SLFN12L: variants seen among roughly 807,000 people sequenced by gnomAD.
SLFN12L encodes schlafen family member 12-like.
In SLFN12L, 34 loss-of-function variants were observed where a neutral mutation model predicts 34.8. That is an observed-to-expected ratio of 0.98 (90% CI 0.74 to 1.30). The LOEUF (loss-of-function observed/expected upper bound fraction) is 1.30. Among genes scored for constraint, SLFN12L ranks in the 50% most tolerant of loss-of-function variants. SLFN12L has a pLI of 0.00. For synonymous variants in SLFN12L, 259 were observed against 247.5 expected (o/e 1.05, Z -0.44); for missense variants, 703 against 696.2 (o/e 1.01, Z -0.11).
At chr17:35,494,676 A>C (rs1484295052) in intron 2 of SLFN12L, among the ~76,000 whole-genome samples, 3 of 152,098 alleles carry the variant, frequency 2.0e-5, no homozygotes, top group African/African-American at 7.2e-5. Context: ...AGAAGCAGGC[A>C]ATATATAGTC....
chr17:35,489,832 T>C (rs576123681), intron 2 of SLFN12L, among the ~76,000 whole-genome samples: 1 of 152,260 alleles, frequency 6.6e-6, no homozygotes, highest in South Asian at 2.1e-4. Flanking sequence ...AAGCCTAATA[T>C]CAATGGGGCA....
intron 2 of SLFN12L, among the ~76,000 whole-genome samples, chr17:35,484,868 C>T (rs1329260235): frequency 1.3e-5 from 2 of 152,122 alleles, no homozygotes; most frequent in Non-Finnish European, 2.9e-5. Flanking sequence ...TGGTCCATGG[C>T]CTTTCTTAGT....
chr17:35,513,797 C>T (rs947998421), intron 2 of SLFN12L, among the ~76,000 whole-genome samples: 1 of 152,144 alleles, frequency 6.6e-6, no homozygotes, highest in East Asian at 1.9e-4. Flanking sequence ...AGTAGATCAT[C>T]GCGGTTACCT....
intron 2 of SLFN12L, chr17:35,487,978 G>A (rs1914669582): frequency 3.0e-6 from 2 of 676,528 alleles, no homozygotes; most frequent in African/African-American, 1.8e-5. Flanking sequence ...GGAGGCTGAG[G>A]AGGGTGGATC....
chr17:35,506,966 G>T (rs1275542097), intron 2 of SLFN12L, among the ~76,000 whole-genome samples: 1 of 152,198 alleles, frequency 6.6e-6, no homozygotes, highest in Non-Finnish European at 1.5e-5. Context: ...GCCACCTGGT[G>T]GAGTTCAAAC....
intron 2 of SLFN12L, 57 bp downstream of exon 2, chr17:35,522,221 CA>C: frequency 6.3e-7 from 1 of 1,598,118 alleles, no homozygotes; most frequent in Non-Finnish European, 8.5e-7. Flanking sequence ...GGTGACTTAG[CA>C]GAGAAAATTA....
In SLFN12L at chr17:35,480,046, C is replaced by A. The variant is rs1001792430; in HGVS notation, c.236G>T (p.Arg79Ile). ...TGAGACATTTTCATTCTGCTGTTTT[C>A]TCAGTTGACAATCCTTCATTTTTTT... is the stretch of plus-strand genomic sequence containing the variant. ...NRKKMKDCQLRKQQNENVSRA... is the reference protein window; with the variant it reads ...NRKKMKDCQLIKQQNENVSRA... Residue 79 changes from arginine (R) to isoleucine (I), a missense_variant, in exon 3 of 5, where the codon AGA (arginine) becomes ATA (isoleucine). By Grantham distance (97) the Arg-to-Ile change is moderately conservative. Transcript: ENST00000628453. The A allele has an allele frequency of 6.2e-7, 1 of 1,614,050 alleles. No individual in the cohort carries two copies. The highest frequency in any genetic ancestry group is 1.3e-5 in the African/African-American group (1 of 74,920).
chr17:35,482,225 A>G (rs545388151), intron 2 of SLFN12L, among the ~76,000 whole-genome samples: 1 of 152,354 alleles, frequency 6.6e-6, no homozygotes, highest in South Asian at 2.1e-4. Flanking sequence ...GCATCCTCTC[A>G]AAATTCATAT....
intron 1 of SLFN12L, among the ~76,000 whole-genome samples, chr17:35,530,467 AG>A (rs2072393539): frequency 1.6e-5 from 1 of 62,982 alleles, no homozygotes; most frequent in African/African-American, 4.8e-5. Flanking sequence ...AAAGAAAGAA[AG>A]AAAGAAAGAA....
chr17:35,506,926 C>T (rs1396135036), intron 2 of SLFN12L, among the ~76,000 whole-genome samples: 1 of 152,150 alleles, frequency 6.6e-6, no homozygotes, highest in Non-Finnish European at 1.5e-5. Flanking sequence ...CTGCCTTGGG[C>T]AAAAACTGTA....
intron 2 of SLFN12L, among the ~76,000 whole-genome samples, chr17:35,488,863 A>G (rs1056452473): frequency 6.6e-6 from 1 of 152,060 alleles, no homozygotes; most frequent in African/African-American, 2.4e-5. Flanking sequence ...TGAGGTCAGG[A>G]GTTTGAGACC....
chr17:35,534,092 G>T (rs1001573638), intron 1 of SLFN12L, among the ~76,000 whole-genome samples: 1 of 149,994 alleles, frequency 6.7e-6, no homozygotes, highest in African/African-American at 2.5e-5. Context: ...CCTGGGCACG[G>T]TGTCTCATGC....
chr17:35,492,254 A>G (rs1914865606), intron 2 of SLFN12L, among the ~76,000 whole-genome samples: 1 of 152,092 alleles, frequency 6.6e-6, no homozygotes, highest in African/African-American at 2.4e-5. Context: ...CCATTCCCAG[A>G]AGGAGGAGCT....
In SLFN12L at chr17:35,475,573, C is replaced by A. The variant is rs571653860; in HGVS notation, c.1277-88G>T. On this transcript the variant is annotated intron_variant, in intron 4 of 4. Transcript: ENST00000628453. ...CAAAGCAGCTTGTATTAGATTAATT[C>A]TCCCACCAAAAGCAACTATAAAAGC... The A allele has an allele frequency of 1.7e-5, 25 of 1,450,854 alleles. No individual in the cohort carries two copies. In the East Asian group the frequency reaches 6.2e-4, roughly 36 times the overall value. The allele number at this position is 1,450,854 out of a possible 1,614,324, so 89.9% of individuals were successfully genotyped here. A position where few individuals can be genotyped will look rare whatever the true frequency, so the allele number is the denominator to read the frequency against.
chr17:35,507,914 A>G (rs1915516271), intron 2 of SLFN12L, among the ~76,000 whole-genome samples: 1 of 152,226 alleles, frequency 6.6e-6, no homozygotes, highest in South Asian at 2.1e-4. Context: ...GGAATAAGGG[A>G]GGAGACCACC....
chr17:35,508,505 C>A (rs970203039), intron 2 of SLFN12L, among the ~76,000 whole-genome samples: 1 of 152,166 alleles, frequency 6.6e-6, no homozygotes, highest in Admixed American at 6.5e-5. Flanking sequence ...CGCCACCATG[C>A]TGAGCCAATT....
chr17:35,535,998 T>C (rs1287721672), intron 1 of SLFN12L, among the ~76,000 whole-genome samples: 4 of 145,610 alleles, frequency 2.7e-5, no homozygotes, highest in Non-Finnish European at 6.0e-5. Context: ...TTTGTTTGTT[T>C]TGTAGAGATG....
chr17:35,508,459 G>T (rs1256086725), intron 2 of SLFN12L, among the ~76,000 whole-genome samples: 2 of 152,164 alleles, frequency 1.3e-5, no homozygotes, highest in African/African-American at 4.8e-5. Context: ...CCATTCTCCT[G>T]CCTCAGCCTC....
intron 4 of SLFN12L, among the ~76,000 whole-genome samples, chr17:35,477,765 C>T (rs1398515285): frequency 6.6e-6 from 1 of 152,014 alleles, no homozygotes; most frequent in Non-Finnish European, 1.5e-5. Context: ...AGAGAGAAGT[C>T]TGGCATTGGA....
Sources: gnomAD v4.1 joint callset for allele counts (sites outside exome capture counted in the v4.1 genomes callset) on GRCh38, gnomAD v4.1.1 for gene constraint, MANE v1.5 for transcripts, NCBI Gene and HGNC (gene_info 2026-07-23, HGNC 2026-07-21) for gene names.